Variants in WASHC5 observed in about 807,000 individuals in gnomAD.
The protein encoded by WASHC5 is WASH complex subunit strumpellin.
Under a neutral mutation model 150.4 loss-of-function variants are expected in WASHC5, and 101 were observed. The observed-to-expected ratio is 0.67, with a 90% CI of 0.57 to 0.79. WASHC5 has a LOEUF of 0.79. Ranked by LOEUF, WASHC5 falls within the 30% of genes least tolerant of loss-of-function variation. The probability of loss-of-function intolerance (pLI) is 0.00; values close to 1 mark genes in which losing one functional copy is unlikely to be tolerated. For synonymous variants in WASHC5, 467 were observed against 491.2 expected, an observed-to-expected ratio of 0.95 and a Z score of 0.65; for missense variants, 1,195 against 1,396.3, an observed-to-expected ratio of 0.86 and a Z score of 2.30.
At chr8:125,053,897 T>C (rs1445365571) in intron 17 of WASHC5, among the ~76,000 whole-genome samples, 1 of 152,198 alleles carries the variant, frequency 6.6e-6, no homozygotes, top group Non-Finnish European at 1.5e-5. Flanking sequence ...ATATCAAGTA[T>C]TGGTGAAGAT....
chr8:125,065,765 C>T (rs144303082), intron 10 of WASHC5, among the ~76,000 whole-genome samples: 3,994 of 152,020 alleles, frequency 0.026, 180 homozygotes, highest in African/African-American at 0.092. Context: ...TACAGGCACG[C>T]GCCACTGCAC....
chr8:125,035,726 A>G (rs895796308), intron 26 of WASHC5, among the ~76,000 whole-genome samples: 1 of 152,238 alleles, frequency 6.6e-6, no homozygotes. Context: ...TCATGGAAGC[A>G]GTGTCTAGAA....
chr8:125,069,195 G>T (rs1816832764), intron 9 of WASHC5, among the ~76,000 whole-genome samples: 2 of 152,176 alleles, frequency 1.3e-5, no homozygotes, highest in Non-Finnish European at 2.9e-5. Flanking sequence ...TGCTATAAAA[G>T]TGAGCTCTCT....
chr8:125,083,709 T>C lies in WASHC5; in HGVS notation c.186+4A>G. 3 of 1,605,342 alleles carry C rather than the reference T, an allele frequency of 1.9e-6. No homozygotes were observed. Among genetic ancestry groups the C allele is most frequent in the Non-Finnish European group, 2.6e-6 (3 of 1,172,858 alleles). On this transcript the variant is annotated splice_donor_region_variant and intron_variant, in intron 2 of 28. Transcript: ENST00000318410. ...ACAATAAAAATGCTATAGAGGAAGA[T>C]TACCTTAAAATAGCTGAAATCAAAT...
intron 1 of WASHC5, among the ~76,000 whole-genome samples, chr8:125,090,654 G>C (rs548025137): frequency 6.6e-6 from 1 of 152,298 alleles, no homozygotes; most frequent in Middle Eastern, 3.4e-3. Flanking sequence ...AATAAGGCAT[G>C]ACATCCTTAC....
chr8:125,061,306 G>T, intron 11 of WASHC5, 112 bp from the exon 12 acceptor site: 1 of 661,518 alleles, frequency 1.5e-6, no homozygotes, highest in Non-Finnish European at 2.7e-6. Flanking sequence ...TTTAACCGTG[G>T]GCCTAACACT....
chr8:125,079,078 AG>A (rs2130192367), intron 5 of WASHC5, 148 bp from the exon 6 acceptor site: 1 of 538,030 alleles, frequency 1.9e-6, no homozygotes, highest in East Asian at 3.4e-5. Flanking sequence ...TATATCCTCA[AG>A]ATTCAAAATT....
At chr8:125,061,228 C>T (rs1586364786) in intron 11 of WASHC5, 34 bp from the exon 12 acceptor site, 2 of 1,121,500 alleles carry the variant, frequency 1.8e-6, no homozygotes, top group Admixed American at 1.7e-5. Context: ...TACTGAAATC[C>T]TCGAATTCCT....
intron 17 of WASHC5, 53 bp from the exon 18 acceptor site, chr8:125,050,718 C>T (rs530711134): frequency 3.3e-5 from 46 of 1,375,114 alleles, no homozygotes; most frequent in Non-Finnish European, 3.7e-5. Context: ...TCAGTCCTAA[C>T]GAAATCCAGA....
At chr8:125,057,289 A>G (rs1394131200) in intron 15 of WASHC5, among the ~76,000 whole-genome samples, 3 of 152,208 alleles carry the variant, frequency 2.0e-5, no homozygotes, top group Non-Finnish European at 2.9e-5. Context: ...AGAAACTATT[A>G]TAATCTCTGT....
chr8:125,064,881 T>G (rs1406990362), intron 10 of WASHC5, among the ~76,000 whole-genome samples: 1 of 152,198 alleles, frequency 6.6e-6, no homozygotes. Flanking sequence ...CTTAGTGATC[T>G]GGCAGAATGA....
intron 7 of WASHC5, among the ~76,000 whole-genome samples, chr8:125,075,971 T>A (rs11998695): frequency 6.6e-6 from 1 of 152,226 alleles, no homozygotes; most frequent in Non-Finnish European, 1.5e-5. Flanking sequence ...ATTATTAAAG[T>A]GAAATTCCTA....
intron 19 of WASHC5, 67 bp from the exon 20 acceptor site, chr8:125,047,398 A>T: frequency 6.7e-7 from 1 of 1,489,724 alleles, no homozygotes. Context: ...CCTTTTCCAT[A>T]TAATTTTACA....
intron 10 of WASHC5, among the ~76,000 whole-genome samples, chr8:125,066,899 G>A (rs879657012): frequency 2.0e-5 from 3 of 152,110 alleles, no homozygotes; most frequent in African/African-American, 4.8e-5. Flanking sequence ...AAGCTCTTGC[G>A]TCTCTTCTCA....
At chr8:125,079,185 C>CTTTTTTTTTTT (rs34211379) in intron 5 of WASHC5, among the ~76,000 whole-genome samples, 2 of 57,580 alleles carry the variant, frequency 3.5e-5, no homozygotes, top group Non-Finnish European at 2.9e-5. Flanking sequence ...TATATATAAC[C>CTTTTTTTTTTT]TTTTTTTTTT....
intron 4 of WASHC5, 70 bp downstream of exon 4, chr8:125,082,313 T>G: frequency 2.2e-6 from 2 of 909,410 alleles, no homozygotes; most frequent in Non-Finnish European, 3.6e-6. Flanking sequence ...TATTTGTGAC[T>G]TAAAAGAAAA....
intron 26 of WASHC5, among the ~76,000 whole-genome samples, chr8:125,034,426 C>T (rs1563608968): frequency 6.6e-6 from 1 of 152,054 alleles, no homozygotes; most frequent in Non-Finnish European, 1.5e-5. Flanking sequence ...CTGCTTGAAC[C>T]CAGGAGGTGG....
At chr8:125,042,012 A>G (rs907817673) in intron 23 of WASHC5, among the ~76,000 whole-genome samples, 4 of 152,144 alleles carry the variant, frequency 2.6e-5, no homozygotes, top group Non-Finnish European at 4.4e-5. Flanking sequence ...ATCAATCTAG[A>G]ACTGGAAATA....
intron 17 of WASHC5, among the ~76,000 whole-genome samples, chr8:125,052,115 C>T (rs1380950647): frequency 6.6e-6 from 1 of 152,180 alleles, no homozygotes; most frequent in African/African-American, 2.4e-5. Flanking sequence ...TAGGCTACAT[C>T]ATTCTTTCTT....
Sources: allele counts gnomAD v4.1 joint callset (sites outside exome capture counted in the v4.1 genomes callset), GRCh38; gene constraint gnomAD v4.1.1; transcripts MANE v1.5; gene names NCBI Gene and HGNC (gene_info 2026-07-23, HGNC 2026-07-21).